Variants in CCNL1 observed in about 807,000 individuals in gnomAD.
CCNL1 encodes cyclin-L1.
In CCNL1, 13 loss-of-function variants were observed where a neutral mutation model predicts 60.6. That is an observed-to-expected ratio of 0.21 (90% confidence interval 0.14 to 0.34). The LOEUF is 0.34. CCNL1 is among the 10% of genes least tolerant of loss of function. CCNL1 has a pLI of 1.00. For synonymous variants in CCNL1, 270 were observed against 244.3 expected, an observed-to-expected ratio of 1.10 and a Z score of -0.98; for missense variants, 481 against 664.3, an observed-to-expected ratio of 0.72 and a Z score of 3.03.
At position 157,147,909 on chromosome 3, in the gene CCNL1, AAC is replaced by A. The variant is rs1057101738; in HGVS notation, c.*330_*331del. Reference sequence around the variant, plus strand: ...TTTAAACAAATAACCACTTAAATAGAACAGTGTCTGCAATTTTATCTGTATAA... The same window carrying A: ...TTTAAACAAATAACCACTTAAATAGAAGTGTCTGCAATTTTATCTGTATAA... On this transcript the variant is annotated 3_prime_UTR_variant, in exon 11 of 11. Transcript: ENST00000295926. 43 of 1,033,962 alleles carry A rather than the reference AAC, an allele frequency of 4.2e-5. No homozygotes were observed. The highest frequency in any genetic ancestry group is 4.5e-4 in the Middle Eastern group (1 of 2,210). The allele number at this position is 1,033,962 out of a possible 1,614,324, so 64.0% of individuals were successfully genotyped here. A position where few individuals can be genotyped will look rare whatever the true frequency, so the allele number is the denominator to read the frequency against.
Position 157,160,112 on chromosome 3 carries a change from C to A in CCNL1, c.-18G>T. 1 of 1,533,012 alleles carries A rather than the reference C, an allele frequency of 6.5e-7. No homozygotes were observed. The highest frequency in any genetic ancestry group is 1.2e-5 in the South Asian group (1 of 83,992). 95.0% of individuals were successfully genotyped at this position (1,533,012 alleles called of 1,614,324 possible). A position where few individuals can be genotyped will look rare whatever the true frequency, so the allele number is the denominator to read the frequency against. On this transcript the variant is annotated 5_prime_UTR_variant, in exon 1 of 11. Coordinates refer to ENST00000295926, the MANE Select transcript of CCNL1 (RefSeq NM_020307.4). ...GACGCCATAGTCTTAGCGAGCCGCA[C>A]GCAAGCCCAACGCAGCCGGAACCCG...
chr3:157,148,223 G>C lies in CCNL1; in HGVS notation c.*18C>G. 6.2e-7 allele frequency: 1 copy of C among 1,605,238 alleles called. No homozygotes were observed. The highest frequency in any genetic ancestry group is 8.5e-7 in the Non-Finnish European group (1 of 1,174,946). Reference sequence around the variant, plus strand: ...TAGGCAAAACCAAGAACTGATGCAGGCTCAAAGGAAGAGAAAGTCAGCGCC... The same window carrying C: ...TAGGCAAAACCAAGAACTGATGCAGCCTCAAAGGAAGAGAAAGTCAGCGCC... On this transcript the variant is annotated 3_prime_UTR_variant, in exon 11 of 11. Transcript: ENST00000295926.
At chr3:157,146,484 A>C, downstream of CCNL1, 1 of 446,046 alleles carries the variant, frequency 2.2e-6, no homozygotes, top group Non-Finnish European at 4.5e-6. Flanking sequence ...ATTTCCAAGC[A>C]AAGATTAGGG....
Position 157,148,027 on chromosome 3 carries a change from T to A in CCNL1, c.*214A>T. ...AATAAAGTACAATTGAACCTGACCA[T>A]GGTTTTTAATTAGATACTGCTAGGG... On this transcript the variant is annotated 3_prime_UTR_variant, in exon 11 of 11. Coordinates refer to ENST00000295926, the MANE Select transcript of CCNL1 (RefSeq NM_020307.4). The A allele has an allele frequency of 7.5e-7, 1 of 1,324,708 alleles. No individual in the cohort carries two copies. Among genetic ancestry groups the A allele is most frequent in the Non-Finnish European group, 9.6e-7 (1 of 1,041,498 alleles). 82.1% of individuals were successfully genotyped at this position (1,324,708 alleles called of 1,614,324 possible).
chr3:157,144,586 G>A (rs533422190), downstream of CCNL1, among the ~76,000 whole-genome samples: 1 of 152,366 alleles, frequency 6.6e-6, no homozygotes, highest in African/African-American at 2.4e-5. Flanking sequence ...TAGAACATCA[G>A]GCTGTGGCTT....
chr3:157,159,906 C>T lies in CCNL1; in HGVS notation c.189G>A (p.Arg63=). ...CCTGCATGGATGGGGTGGGCGAGAG[C>T]CTCTCCTCCGGAATCAGAGAGTGGT... ...TIDHSLIPEE[R]LSPTPSMQDG... Residue 63 remains arginine (R), a synonymous_variant, in exon 1 of 11, where the codon AGG becomes AGA. Coordinates refer to ENST00000295926, the MANE Select transcript of CCNL1 (RefSeq NM_020307.4). 1 of 1,605,996 alleles carries T rather than the reference C, an allele frequency of 6.2e-7. No individual in the cohort carries two copies. Among genetic ancestry groups the T allele is most frequent in the South Asian group, 1.1e-5 (1 of 89,632 alleles).
rs1319814945 is a variant in CCNL1 at position 157,159,924 on chromosome 3, A to G, written c.171T>C (p.Ser57=). 4 of 1,606,840 alleles carry G rather than the reference A, an allele frequency of 2.5e-6. No individual in the cohort carries two copies. The highest frequency in any genetic ancestry group is 3.4e-6 in the Non-Finnish European group (4 of 1,176,652). ...YSEVSLTIDH[S]LIPEERLSPT... is the part of the protein sequence containing the mutation. ...GCGAGAGCCTCTCCTCCGGAATCAG[A>G]GAGTGGTCGATGGTAAGTGAAACTT... Residue 57 remains serine (S), a synonymous_variant, in exon 1 of 11, where the codon TCT becomes TCC. Coordinates refer to ENST00000295926, the MANE Select transcript of CCNL1 (RefSeq NM_020307.4).
chr3:157,149,014 A>G (rs1054953712), intron 10 of CCNL1: 8 of 357,318 alleles, frequency 2.2e-5, no homozygotes, highest in Non-Finnish European at 3.5e-5. Context: ...AAAAAAAAAG[A>G]AGTTTTCACA....
At chr3:157,155,985 G>A (rs1317580490) in intron 3 of CCNL1, among the ~76,000 whole-genome samples, 1 of 152,088 alleles carries the variant, frequency 6.6e-6, no homozygotes, top group African/African-American at 2.4e-5. Context: ...AGAAAATCCT[G>A]GTCTTTGGTC....
chr3:157,147,022 TAA>T (rs2108105116), downstream of CCNL1, among the ~76,000 whole-genome samples: 1 of 152,346 alleles, frequency 6.6e-6, no homozygotes, highest in Non-Finnish European at 1.5e-5. Flanking sequence ...GAACACATTT[TAA>T]GTCTTTGGAA....
intron 3 of CCNL1, chr3:157,156,986 TG>T: frequency 7.8e-7 from 1 of 1,289,804 alleles, no homozygotes; most frequent in Non-Finnish European, 1.0e-6. Flanking sequence ...GGCTTCTCCT[TG>T]GGGATTTTCG....
chr3:157,152,071 A>G, intron 5 of CCNL1, 106 bp downstream of exon 5: 1 of 1,519,478 alleles, frequency 6.6e-7, no homozygotes. Flanking sequence ...AACAACGAAA[A>G]GCCCCAAACA....
Position 157,147,679 on chromosome 3 carries a change from A to G in CCNL1, c.*562T>C, listed in dbSNP as rs1737838567. On this transcript the variant is annotated 3_prime_UTR_variant, in exon 11 of 11. Transcript: ENST00000295926. ...ATGCAGTTAAGAATTGCATTTTAAT[A>G]ATCTCAAACTACCATCTAATGGAGG... 1 of 985,008 alleles carries G rather than the reference A, an allele frequency of 1.0e-6. No individual in the cohort carries two copies. The highest frequency in any genetic ancestry group is 1.2e-6 in the Non-Finnish European group (1 of 829,510). 61.0% of individuals were successfully genotyped at this position (985,008 alleles called of 1,614,324 possible).
chr3:157,157,397 C>CT (rs1738701810), intron 3 of CCNL1, among the ~76,000 whole-genome samples: 1 of 143,248 alleles, frequency 7.0e-6, no homozygotes, highest in Non-Finnish European at 1.5e-5. Flanking sequence ...GTAAACTAGT[C>CT]TCACAGGAAA....
downstream of CCNL1, among the ~76,000 whole-genome samples, chr3:157,146,989 A>G (rs751322319): frequency 1.3e-5 from 2 of 152,200 alleles, no homozygotes; most frequent in Non-Finnish European, 2.9e-5. Flanking sequence ...TATTTTTTCC[A>G]GCCTCCACCA....
Position 157,160,083 on chromosome 3 carries a change from C to T in CCNL1, c.12G>A (p.Gly4=). MAS[G]PHSTATAAAA... ...CGGCAGCAGTAGCTGTCGAATGAGG[C>T]CCGGACGCCATAGTCTTAGCGAGCC... is the stretch of plus-strand genomic sequence containing the variant. The change falls in exon 1 of 11, where the codon GGG becomes GGA. Residue 4 remains glycine, a synonymous_variant. Transcript: ENST00000295926. 6.4e-7 allele frequency: 1 copy of T among 1,551,574 alleles called. No homozygotes were observed. The highest frequency in any genetic ancestry group is 8.7e-7 in the Non-Finnish European group (1 of 1,148,512).
downstream of CCNL1, among the ~76,000 whole-genome samples, chr3:157,145,464 ACC>A (rs796303377): frequency 0.018 from 2,413 of 133,698 alleles, 120 homozygotes; most frequent in African/African-American, 0.051. Flanking sequence ...AAAAAAAAAA[ACC>A]AAAACGGGAT....
At position 157,148,216 on chromosome 3, in the gene CCNL1, G is replaced by A; in HGVS notation, c.*25C>T. 6.2e-6 allele frequency: 10 copies of A among 1,600,760 alleles called. No homozygotes were observed. The highest frequency in any genetic ancestry group is 7.7e-6 in the Non-Finnish European group (9 of 1,172,926). ...CTGTAGATAGGCAAAACCAAGAACT[G>A]ATGCAGGCTCAAAGGAAGAGAAAGT... is the stretch of plus-strand genomic sequence containing the variant. On this transcript the variant is annotated 3_prime_UTR_variant, in exon 11 of 11. Coordinates refer to ENST00000295926, the MANE Select transcript of CCNL1 (RefSeq NM_020307.4).
chr3:157,151,510 T>A (rs1284644504), intron 5 of CCNL1: 1 of 985,928 alleles, frequency 1.0e-6, no homozygotes, highest in African/African-American at 1.7e-5. Context: ...AGCAGTTATA[T>A]AAATTAAGCC....
Sources: gnomAD v4.1 joint callset for allele counts (sites outside exome capture counted in the v4.1 genomes callset) on GRCh38, gnomAD v4.1.1 for gene constraint, MANE v1.5 for transcripts, NCBI Gene and HGNC (gene_info 2026-07-23, HGNC 2026-07-21) for gene names.